Variants in BMPR2 observed in about 807,000 individuals in gnomAD.
BMPR2 encodes the protein bone morphogenetic protein receptor type-2.
A neutral mutation model predicts 100.8 loss-of-function variants in BMPR2; 29 were observed. The observed-to-expected ratio is 0.29, with a 90% confidence interval of 0.21 to 0.39. BMPR2 has a LOEUF of 0.39. BMPR2 is among the 10% of genes least tolerant of loss of function. The probability of loss-of-function intolerance (pLI) is 1.00; values close to 1 mark genes in which losing one functional copy is unlikely to be tolerated. For synonymous variants in BMPR2, 382 were observed against 442.3 expected (o/e 0.86, Z 1.71); for missense variants, 1,011 against 1,274.5 (o/e 0.79, Z 3.15).
At position 202,532,827 on chromosome 2, in the gene BMPR2, A is replaced by G; in HGVS notation, c.1276+95A>G. 2 of 1,369,812 alleles carry G rather than the reference A, an allele frequency of 1.5e-6. No individual in the cohort carries two copies. The highest frequency in any genetic ancestry group is 2.5e-5 in the South Asian group (2 of 80,200). The allele number at this position is 1,369,812 out of a possible 1,614,324, so 84.9% of individuals were successfully genotyped here. A position where few individuals can be genotyped will look rare whatever the true frequency, so the allele number is the denominator to read the frequency against. On this transcript the variant is annotated intron_variant, in intron 9 of 12. Transcript: ENST00000374580. This position sits in a 1 kb window ranked among gnomAD's most constrained non-coding sequence, Gnocchi z 4.1. ...TACCTAACTCAACTTTTATGTAAGA[A>G]TCTTTTTACTTTCATTTAAACCTTT...
intron 1 of BMPR2, among the ~76,000 whole-genome samples, chr2:202,462,286 G>A (rs1692238749): frequency 6.7e-6 from 1 of 148,646 alleles, no homozygotes; most frequent in South Asian, 2.1e-4. Flanking sequence ...CTGGAGTGCA[G>A]TGGCGTGGTC....
chr2:202,528,479 G>A (rs761314769), intron 7 of BMPR2, among the ~76,000 whole-genome samples: 2 of 152,166 alleles, frequency 1.3e-5, no homozygotes, highest in African/African-American at 2.4e-5. Flanking sequence ...GAGCCAGCAC[G>A]CCTGGCCAGA....
At chr2:202,453,649 C>T (rs1028944647) in intron 1 of BMPR2, among the ~76,000 whole-genome samples, 1 of 152,104 alleles carries the variant, frequency 6.6e-6, no homozygotes, top group African/African-American at 2.4e-5. Flanking sequence ...AGATGGTTAT[C>T]AGAGGCTGAG....
At chr2:202,409,745 G>A (rs1213106733) in intron 1 of BMPR2, among the ~76,000 whole-genome samples, 1 of 152,146 alleles carries the variant, frequency 6.6e-6, no homozygotes, top group Non-Finnish European at 1.5e-5. Context: ...AGATACTTTG[G>A]AAAATTATAA....
chr2:202,403,100 T>G (rs1254913677), intron 1 of BMPR2, among the ~76,000 whole-genome samples: 1 of 151,990 alleles, frequency 6.6e-6, no homozygotes, highest in Non-Finnish European at 1.5e-5. Flanking sequence ...AGTGCCGGGA[T>G]TACAGGCATG....
At chr2:202,521,629 G>A (rs911495867) in intron 7 of BMPR2, among the ~76,000 whole-genome samples, 1 of 151,944 alleles carries the variant, frequency 6.6e-6, no homozygotes, top group African/African-American at 2.4e-5. Flanking sequence ...TTGTGAATGG[G>A]GAATCTGTTT....
chr2:202,443,586 C>T (rs889315559), intron 1 of BMPR2, among the ~76,000 whole-genome samples: 4 of 148,094 alleles, frequency 2.7e-5, no homozygotes, highest in Admixed American at 6.7e-5. Context: ...TTTTTCAAGA[C>T]GGAGTCTTGG....
intron 1 of BMPR2, among the ~76,000 whole-genome samples, chr2:202,417,578 C>T (rs1396972922): frequency 6.6e-6 from 1 of 152,162 alleles, no homozygotes; most frequent in Non-Finnish European, 1.5e-5. Context: ...GCTGGGATTA[C>T]AGACATGAGC....
At chr2:202,509,249 A>C (rs1687581625) in intron 3 of BMPR2, among the ~76,000 whole-genome samples, 1 of 152,108 alleles carries the variant, frequency 6.6e-6, no homozygotes, top group South Asian at 2.1e-4. Context: ...GTATATAGTT[A>C]ATCATTTTTA....
chr2:202,451,497 G>A (rs960046032), intron 1 of BMPR2, among the ~76,000 whole-genome samples: 2 of 152,104 alleles, frequency 1.3e-5, no homozygotes, highest in Admixed American at 6.5e-5. Flanking sequence ...TTAGGAGTTC[G>A]AGACCAGCCT....
intron 3 of BMPR2, among the ~76,000 whole-genome samples, chr2:202,470,075 G>A (rs959813861): frequency 6.6e-6 from 1 of 152,172 alleles, no homozygotes; most frequent in Non-Finnish European, 1.5e-5. Flanking sequence ...TGGGTGCAGG[G>A]GCTCATACCT....
intron 1 of BMPR2, among the ~76,000 whole-genome samples, chr2:202,422,757 G>A (rs1691294557): frequency 1.3e-5 from 2 of 151,780 alleles, no homozygotes; most frequent in Admixed American, 6.6e-5. Flanking sequence ...GCTCACTGCA[G>A]ACTCTGCCTC....
rs557530097 is a variant in BMPR2 at position 202,557,065 on chromosome 2, T to A, written c.2866+534T>A. On this transcript the variant is annotated intron_variant, in intron 12 of 12. Coordinates refer to ENST00000374580, the MANE Select transcript of BMPR2 (RefSeq NM_001204.7). ...AACCATTTGGGCCAGGCGTGGTGGC[T>A]CATGCCTATAATTCCAGCACTTTGT... Among the ~76,000 whole-genome samples, 315 of 152,008 alleles carry A rather than the reference T, an allele frequency of 2.1e-3. 2 individuals carry two copies. The highest frequency in any genetic ancestry group is 7.3e-3 in the African/African-American group (302 of 41,452).
chr2:202,378,306 A>T (rs1245021328), intron 1 of BMPR2, among the ~76,000 whole-genome samples: 1 of 152,194 alleles, frequency 6.6e-6, no homozygotes, highest in Non-Finnish European at 1.5e-5. Flanking sequence ...CAGAAACCTT[A>T]GGAAAAAGAC....
chr2:202,439,735 T>A (rs1691693298), intron 1 of BMPR2, among the ~76,000 whole-genome samples: 1 of 147,542 alleles, frequency 6.8e-6, no homozygotes, highest in East Asian at 1.9e-4. Context: ...GTTGTGGGTT[T>A]TTCTTTTTTC....
rs370451339 is a variant in BMPR2 at position 202,377,032 on chromosome 2, G to A, written c.-443G>A. ...GCGCCGCCGCCGCCCGTCCGGCTTC[G>A]TCCTTCCCGGCAGTCGGGAACTAGT... On this transcript the variant is annotated 5_prime_UTR_variant, in exon 1 of 13. Transcript: ENST00000374580. The A allele has an allele frequency of 7.5e-5, 35 of 465,886 alleles. 1 individual carries two copies. Among genetic ancestry groups the A allele is most frequent in the Admixed American group, 4.2e-4 (11 of 26,032 alleles). The allele number at this position is 465,886 out of a possible 1,614,324, so 28.9% of individuals were successfully genotyped here.
intron 1 of BMPR2, among the ~76,000 whole-genome samples, chr2:202,424,589 T>C (rs1418951066): frequency 7.1e-6 from 1 of 141,236 alleles, no homozygotes; most frequent in Non-Finnish European, 1.6e-5. Flanking sequence ...CCAGCTACTC[T>C]GGAGGCTGAG....
intron 1 of BMPR2, among the ~76,000 whole-genome samples, chr2:202,441,036 A>T (rs1037395658): frequency 1.3e-5 from 2 of 150,270 alleles, no homozygotes; most frequent in African/African-American, 5.0e-5. Context: ...GCTGGAGTGC[A>T]GTGGCACAAT....
At chr2:202,418,191 A>G (rs914718828) in intron 1 of BMPR2, among the ~76,000 whole-genome samples, 1 of 152,124 alleles carries the variant, frequency 6.6e-6, no homozygotes, top group Non-Finnish European at 1.5e-5. Flanking sequence ...GTATGCTTGT[A>G]TTTCTTATCT....
Sources: gnomAD v4.1 joint callset for allele counts (sites outside exome capture counted in the v4.1 genomes callset) on GRCh38, gnomAD v4.1.1 for gene constraint, Gnocchi (gnomAD v3.1) non-coding constraint, MANE v1.5 for transcripts, NCBI Gene and HGNC (gene_info 2026-07-23, HGNC 2026-07-21) for gene names.